Variants in RIT2 observed in about 807,000 individuals in gnomAD.
RIT2 encodes Ras like without CAAX 2.
Under a neutral mutation model 23.7 loss-of-function variants are expected in RIT2, and 24 were observed. The ratio of observed to expected loss-of-function variants is 1.01; its 90% CI spans 0.73 to 1.43. The LOEUF is 1.43. Among genes scored for constraint, RIT2 ranks in the 40% most tolerant of loss-of-function variants. The pLI, the probability that RIT2 is intolerant of heterozygous loss-of-function variation, is 0.00. For missense variants in RIT2, 236 were observed against 266.9 expected, an observed-to-expected ratio of 0.88 and a Z score of 0.81; for synonymous variants, 107 against 91.1, an observed-to-expected ratio of 1.17 and a Z score of -0.99.
chr18:42,913,362 A>G (rs1908821877), intron 4 of RIT2, among the ~76,000 whole-genome samples: 1 of 151,898 alleles, frequency 6.6e-6, no homozygotes, highest in Non-Finnish European at 1.5e-5. Flanking sequence ...GCCACAATTC[A>G]TAAGAGGGAA....
chr18:42,955,175 C>T (rs62089945), intron 3 of RIT2, among the ~76,000 whole-genome samples: 3 of 152,174 alleles, frequency 2.0e-5, no homozygotes, highest in Non-Finnish European at 2.9e-5. Context: ...ACAGTCACCA[C>T]AAGAGCTGTC....
chr18:42,895,217 T>C (rs534314356), intron 4 of RIT2, among the ~76,000 whole-genome samples: 6 of 152,330 alleles, frequency 3.9e-5, no homozygotes, highest in Admixed American at 6.5e-5. Context: ...TGACTTAAAT[T>C]GTCCTGTTTT....
chr18:43,070,791 G>A (rs759823286), intron 1 of RIT2, among the ~76,000 whole-genome samples: 15 of 152,148 alleles, frequency 9.9e-5, no homozygotes, highest in Non-Finnish European at 1.5e-5. Context: ...GAGAAATACA[G>A]CACTAATCCA....
At chr18:42,801,491 C>A (rs1188129330) in intron 4 of RIT2, among the ~76,000 whole-genome samples, 1 of 152,160 alleles carries the variant, frequency 6.6e-6, no homozygotes, top group South Asian at 2.1e-4. Flanking sequence ...AGAACACTGA[C>A]AACATCTGGG....
intron 1 of RIT2, among the ~76,000 whole-genome samples, chr18:43,055,162 C>A (rs913576505): frequency 5.9e-5 from 9 of 152,228 alleles, no homozygotes; most frequent in East Asian, 5.8e-4. Context: ...GAGAGAAGAG[C>A]AACCTGATAA....
intron 4 of RIT2, among the ~76,000 whole-genome samples, chr18:42,885,110 G>A (rs1466409556): frequency 6.6e-6 from 1 of 152,110 alleles, no homozygotes; most frequent in East Asian, 1.9e-4. Context: ...GGTAACAACT[G>A]GCTCTCAAAA....
chr18:42,752,303 G>C (rs1913064072), intron 4 of RIT2, among the ~76,000 whole-genome samples: 3 of 152,016 alleles, frequency 2.0e-5, no homozygotes, highest in Admixed American at 2.0e-4. Flanking sequence ...AAGATATCTT[G>C]TCTATCTGAA....
At chr18:42,802,949 T>C (rs1905582204) in intron 4 of RIT2, among the ~76,000 whole-genome samples, 1 of 152,172 alleles carries the variant, frequency 6.6e-6, no homozygotes, top group East Asian at 1.9e-4. Flanking sequence ...TGGAGTGAGA[T>C]AGTCTTTAGA....
chr18:42,867,071 A>C (rs1436478825), intron 4 of RIT2, among the ~76,000 whole-genome samples: 1 of 152,178 alleles, frequency 6.6e-6, no homozygotes, highest in Non-Finnish European at 1.5e-5. Flanking sequence ...ACTGTTCCTC[A>C]TAAGACTGCT....
intron 4 of RIT2, among the ~76,000 whole-genome samples, chr18:42,902,386 C>T (rs1908498899): frequency 6.6e-6 from 1 of 151,514 alleles, no homozygotes; most frequent in Non-Finnish European, 1.5e-5. Flanking sequence ...AATATAAATT[C>T]AGAAAAGGAC....
At chr18:42,767,400 G>T (rs1278705863) in intron 4 of RIT2, among the ~76,000 whole-genome samples, 2 of 152,152 alleles carry the variant, frequency 1.3e-5, no homozygotes, top group Non-Finnish European at 2.9e-5. Context: ...GGACTTGCAT[G>T]GGCCTGGTAA....
chr18:42,819,356 T>C (rs1321717241), intron 4 of RIT2, among the ~76,000 whole-genome samples: 1 of 152,008 alleles, frequency 6.6e-6, no homozygotes, highest in East Asian at 1.9e-4. Flanking sequence ...GAAAAACATG[T>C]AAGGGATATG....
chr18:42,978,732 T>C (rs1244752464), intron 2 of RIT2, among the ~76,000 whole-genome samples: 3 of 152,122 alleles, frequency 2.0e-5, no homozygotes, highest in Non-Finnish European at 2.9e-5. Context: ...TTTGAGATCA[T>C]TGCTTCTCAG....
chr18:42,771,027 T>C (rs1913539275), intron 4 of RIT2, among the ~76,000 whole-genome samples: 1 of 152,234 alleles, frequency 6.6e-6, no homozygotes, highest in Non-Finnish European at 1.5e-5. Flanking sequence ...ACAAACTTTC[T>C]GATAGAGCTT....
rs866749786 is a variant in RIT2, at chr18:42,996,484, G to A, written c.161-22337C>T. ...CAGATGGCCCATTCCTGCATTAACT[G>A]ATGACATTCCACCACAAAAGAAATG... On this transcript the variant is annotated intron_variant, in intron 2 of 4. Transcript: ENST00000326695. 4.6e-5 allele frequency among the ~76,000 whole-genome samples: 7 copies of A among 152,098 alleles called. No homozygotes were observed. In the Middle Eastern group the frequency reaches 0.024, roughly 517 times the overall value.
chr18:42,908,301 G>A (rs1435793130), intron 4 of RIT2, among the ~76,000 whole-genome samples: 1 of 151,954 alleles, frequency 6.6e-6, no homozygotes, highest in Non-Finnish European at 1.5e-5. Flanking sequence ...GGGATCTGTG[G>A]GACAATAACA....
At chr18:42,833,131 C>A (rs1432865122) in intron 4 of RIT2, among the ~76,000 whole-genome samples, 2 of 148,120 alleles carry the variant, frequency 1.4e-5, no homozygotes, top group African/African-American at 5.0e-5. Context: ...TACATTTATT[C>A]ATCTCTCCTC....
intron 4 of RIT2, among the ~76,000 whole-genome samples, chr18:42,858,828 T>C (rs1480525680): frequency 6.6e-6 from 1 of 152,234 alleles, no homozygotes; most frequent in African/African-American, 2.4e-5. Flanking sequence ...ATGTCTGTAT[T>C]GTTTCATGTA....
intron 3 of RIT2, among the ~76,000 whole-genome samples, chr18:42,969,183 C>T (rs570682060): frequency 1.3e-5 from 2 of 152,214 alleles, no homozygotes; most frequent in Non-Finnish European, 2.9e-5. Flanking sequence ...CTAATAGAAG[C>T]TCTTGATTTG....
Sources: allele counts gnomAD v4.1 joint callset (sites outside exome capture counted in the v4.1 genomes callset), GRCh38; gene constraint gnomAD v4.1.1; transcripts MANE v1.5; gene names NCBI Gene and HGNC (gene_info 2026-07-23, HGNC 2026-07-21).